ZCWPW1: variants seen among roughly 807,000 people sequenced by gnomAD.
The protein encoded by ZCWPW1 is zinc finger CW-type and PWWP domain containing 1, also known as zinc finger CW-type PWWP domain protein 1.
A neutral mutation model predicts 81.3 loss-of-function variants in ZCWPW1; 56 were observed. The observed-to-expected ratio is 0.69, with a 90% CI of 0.56 to 0.86. The LOEUF (loss-of-function observed/expected upper bound fraction) is 0.86, where lower values mean the gene tolerates loss of function less well. Among genes scored for constraint, ZCWPW1 ranks in the 40% least tolerant of loss-of-function variants. The pLI, the probability that ZCWPW1 is intolerant of heterozygous loss-of-function variation, is 0.00. For missense variants in ZCWPW1, 650 were observed against 769.8 expected, an observed-to-expected ratio of 0.84 and a Z score of 1.84; for synonymous variants, 250 against 273.7, an observed-to-expected ratio of 0.91 and a Z score of 0.86.
Position 100,417,171 on chromosome 7 carries a change from C to A in ZCWPW1, c.374G>T (p.Gly125Val), listed in dbSNP as rs747020706. ...SLQECLGMGS[G>V]LDFAETSCAQ... is the part of the protein sequence containing the mutation. ...ACAAGAAGTCTCTGCAAAATCAAGG[C>A]CAGATCCCATCCCTCCCAAAACAAA... The change falls in exon 6 of 18, where the codon GGC (glycine) becomes GTC (valine). Residue 125 changes from glycine (G) to valine (V), a missense_variant. Physicochemically the swap from Gly to Val is moderately radical, Grantham distance 109. Transcript: ENST00000684423. The A allele has an allele frequency of 2.5e-6, 4 of 1,613,798 alleles. No individual in the cohort carries two copies. The highest frequency in any genetic ancestry group is 2.7e-5 in the African/African-American group (2 of 74,974).
chr7:100,407,776 G>A (rs1365906615), intron 10 of ZCWPW1, among the ~76,000 whole-genome samples: 1 of 152,052 alleles, frequency 6.6e-6, no homozygotes, highest in Admixed American at 6.6e-5. Flanking sequence ...TGAATGACTC[G>A]TGAGAAAGTG....
intron 2 of ZCWPW1, 35 bp from the exon 3 acceptor site, chr7:100,420,713 G>C: frequency 6.3e-7 from 1 of 1,587,736 alleles, no homozygotes; most frequent in East Asian, 2.2e-5. Context: ...CTATGACTCT[G>C]ATTAAACAAG....
intron 1 of ZCWPW1, among the ~76,000 whole-genome samples, chr7:100,425,356 A>G (rs1056132926): frequency 1.3e-5 from 2 of 152,168 alleles, no homozygotes; most frequent in Non-Finnish European, 2.9e-5. Flanking sequence ...ATAAGAATGT[A>G]AAAGAACCAG....
In ZCWPW1 at chr7:100,402,327, A is replaced by G. The variant is rs1394496251; in HGVS notation, c.1474+189T>C. 3.5e-6 allele frequency: 3 copies of G among 857,524 alleles called. No homozygotes were observed. In the South Asian group the frequency reaches 4.0e-5, roughly 11 times the overall value. The allele number at this position is 857,524 out of a possible 1,614,324, so 53.1% of individuals were successfully genotyped here. On this transcript the variant is annotated intron_variant, in intron 16 of 17. Coordinates refer to ENST00000684423, the MANE Select transcript of ZCWPW1 (RefSeq NM_001386010.1). ...ATTAAAACCTTCCATCTTTCACCTC[A>G]GATTTTATAATTCAGTACAGAGAAG...
intron 1 of ZCWPW1, among the ~76,000 whole-genome samples, chr7:100,426,492 C>CA (rs1239534406): frequency 0.074 from 5,322 of 72,016 alleles, 507 homozygotes; most frequent in African/African-American, 0.23. Context: ...GACTCTGTCT[C>CA]AAAAAAAAAA....
chr7:100,402,093 G>C, intron 16 of ZCWPW1, 52 bp from the exon 17 acceptor site: 1 of 1,558,854 alleles, frequency 6.4e-7, no homozygotes, highest in Non-Finnish European at 8.7e-7. Context: ...ACTCGGCAAG[G>C]GCAGATGGAC....
chr7:100,428,259 G>A (rs566764576), intron 1 of ZCWPW1, among the ~76,000 whole-genome samples: 4 of 152,300 alleles, frequency 2.6e-5, no homozygotes, highest in South Asian at 2.1e-4. Flanking sequence ...ACCAAGAAAA[G>A]GCACGAGGAC....
At chr7:100,418,042 G>A (rs189734975) in intron 5 of ZCWPW1, among the ~76,000 whole-genome samples, 3 of 151,944 alleles carry the variant, frequency 2.0e-5, no homozygotes, top group African/African-American at 7.2e-5. Context: ...ACGCCACCAC[G>A]CCTGGCTAAT....
chr7:100,404,098 A>G, intron 14 of ZCWPW1, 80 bp downstream of exon 14: 1 of 1,439,896 alleles, frequency 6.9e-7, no homozygotes, highest in Non-Finnish European at 9.6e-7. Flanking sequence ...AGAATATAAA[A>G]TAAAGAAAAA....
intron 8 of ZCWPW1, 139 bp from the exon 9 acceptor site, chr7:100,409,683 G>T: frequency 1.6e-6 from 1 of 625,418 alleles, no homozygotes; most frequent in Non-Finnish European, 2.8e-6. Flanking sequence ...CCCGATCCCT[G>T]ACTTATAAGA....
chr7:100,403,490 CAGGCGTG>C (rs1792354902), intron 15 of ZCWPW1, among the ~76,000 whole-genome samples, 197 bp downstream of exon 15: 1 of 150,652 alleles, frequency 6.6e-6, no homozygotes, highest in African/African-American at 2.4e-5. Flanking sequence ...GCTGGGATTA[CAGGCGTG>C]AGCCACCACA....
rs1051664106 is a variant in ZCWPW1, at chr7:100,417,870, T to A, written c.362-687A>T. 2.6e-5 allele frequency among the ~76,000 whole-genome samples: 4 copies of A among 151,436 alleles called. No homozygotes were observed. In the East Asian group the frequency reaches 7.8e-4, roughly 30 times the overall value. Reference sequence around the variant, plus strand: ...GCCTTCATAGAGGTTTTTGGTTTTTTGGTTTTTGGTTTTTGTTTTTTGGTT... The same window carrying A: ...GCCTTCATAGAGGTTTTTGGTTTTTAGGTTTTTGGTTTTTGTTTTTTGGTT... On this transcript the variant is annotated intron_variant, in intron 5 of 17. Transcript: ENST00000684423.
chr7:100,407,415 C>A, intron 10 of ZCWPW1, 112 bp from the exon 11 acceptor site: 1 of 929,874 alleles, frequency 1.1e-6, no homozygotes, highest in Non-Finnish European at 1.6e-6. Context: ...TTTTCTGAGA[C>A]AAGGTCTCAC....
chr7:100,418,298 A>G (rs1484552370), intron 5 of ZCWPW1, among the ~76,000 whole-genome samples: 2 of 152,192 alleles, frequency 1.3e-5, no homozygotes, highest in African/African-American at 4.8e-5. Context: ...TCTAGGGAAA[A>G]CAATTTTATC....
chr7:100,403,963 C>A (rs1792451274), intron 14 of ZCWPW1, among the ~76,000 whole-genome samples, 178 bp from the exon 15 acceptor site: 1 of 152,096 alleles, frequency 6.6e-6, no homozygotes, highest in Admixed American at 6.6e-5. Flanking sequence ...ATTCAATACA[C>A]CCTCCCTCCC....
intron 1 of ZCWPW1, among the ~76,000 whole-genome samples, chr7:100,426,532 T>A (rs1266490263): frequency 6.6e-6 from 1 of 151,980 alleles, no homozygotes; most frequent in Non-Finnish European, 1.5e-5. Flanking sequence ...AAATCTTTTT[T>A]AAGCCAGAGT....
chr7:100,412,763 A>G (rs1794450797), intron 8 of ZCWPW1, among the ~76,000 whole-genome samples: 1 of 152,058 alleles, frequency 6.6e-6, no homozygotes, highest in Non-Finnish European at 1.5e-5. Context: ...TTGTATTTTT[A>G]GTAGAGACGG....
chr7:100,401,007 G>C lies in ZCWPW1; in HGVS notation c.*7C>G, dbSNP rs562682793. On this transcript the variant is annotated 3_prime_UTR_variant, in exon 18 of 18. Transcript: ENST00000684423. ...AGGGAGAAAAAGAGGGAGCAGAGGA[G>C]CACCAGCTACTTCCCAAACAGCGCC... is the stretch of plus-strand genomic sequence containing the variant. 36 of 1,599,406 alleles carry C rather than the reference G, an allele frequency of 2.3e-5. No individual in the cohort carries two copies. In the South Asian group the frequency reaches 3.7e-4, roughly 16 times the overall value.
At position 100,419,143 on chromosome 7, in the gene ZCWPW1, A is replaced by G. The variant is rs770590429; in HGVS notation, c.329T>C (p.Ile110Thr). The G allele has an allele frequency of 1.7e-5, 27 of 1,613,374 alleles. No homozygotes were observed. The highest frequency in any genetic ancestry group is 3.3e-4 in the Middle Eastern group (2 of 6,062). ...TNAEFEEIVQIVLQKSLQECL... is the reference protein window; with the variant it reads ...TNAEFEEIVQTVLQKSLQECL... The stretch of plus-strand genomic sequence containing the variant: ...CTCCTGAAGGGACTTCTGCAGAACA[A>G]TCTGGACAATCTCCTCAAATTCTGC... Residue 110 changes from isoleucine to threonine, a missense_variant, in exon 5 of 18, where the codon ATT becomes ACT. Ile to Thr is a moderately conservative substitution (Grantham distance 89). Coordinates refer to ENST00000684423, the MANE Select transcript of ZCWPW1 (RefSeq NM_001386010.1).
Sources: allele counts gnomAD v4.1 joint callset (sites outside exome capture counted in the v4.1 genomes callset), GRCh38; gene constraint gnomAD v4.1.1; transcripts MANE v1.5; gene names NCBI Gene and HGNC (gene_info 2026-07-23, HGNC 2026-07-21).